WDR41: variants seen among roughly 807,000 people sequenced by gnomAD.
The protein encoded by WDR41 is WD repeat-containing protein 41.
In WDR41, 63 loss-of-function variants were observed where a neutral mutation model predicts 69.3. The observed-to-expected ratio is 0.91, with a 90% confidence interval of 0.74 to 1.12. WDR41 has a LOEUF of 1.12. WDR41 is among the 50% of genes most tolerant of loss of function. The pLI is 0.00. For synonymous variants in WDR41, 185 were observed against 192.1 expected (o/e 0.96, Z 0.31); for missense variants, 543 against 534.5 (o/e 1.02, Z -0.16).
chr5:77,564,220 A>C (rs910567634), intron 1 of WDR41, among the ~76,000 whole-genome samples: 2 of 152,158 alleles, frequency 1.3e-5, no homozygotes, highest in Non-Finnish European at 2.9e-5. Flanking sequence ...AACTCCTTGC[A>C]CCGGAACCAC....
Position 77,606,905 on chromosome 5 carries a change from GAA to G in WDR41, c.42+13572_42+13573del, listed in dbSNP as rs1195622632. 9.9e-3 allele frequency among the ~76,000 whole-genome samples: 844 copies of G among 85,652 alleles called. 7 individuals carry two copies. The highest frequency in any genetic ancestry group is 0.029 in the African/African-American group (788 of 27,240). The allele number at this position is 85,652 out of a possible 152,430, so 56.2% of individuals were successfully genotyped here. On this transcript the variant is annotated intron_variant, in intron 1 of 5. Transcript: ENST00000509971. The stretch of plus-strand genomic sequence containing the variant: ...TTGCCCCAAAGCATTCAATGAAAAA[GAA>G]AAAAAAAAAAAAAAAGCACTTTGCC...
chr5:77,476,784 G>C (rs1483173742), intron 2 of WDR41, among the ~76,000 whole-genome samples: 6 of 147,578 alleles, frequency 4.1e-5, no homozygotes, highest in Admixed American at 1.3e-4. Context: ...AAAATAACCA[G>C]CTAACATCAT....
At chr5:77,607,723 A>G (rs749071369) in intron 1 of WDR41, among the ~76,000 whole-genome samples, 1 of 152,268 alleles carries the variant, frequency 6.6e-6, no homozygotes, top group Non-Finnish European at 1.5e-5. Context: ...CTTTAATAAT[A>G]TACACATACA....
chr5:77,469,795 C>T (rs376111850), intron 2 of WDR41, among the ~76,000 whole-genome samples: 16 of 152,076 alleles, frequency 1.1e-4, no homozygotes, highest in Admixed American at 5.2e-4. Flanking sequence ...ACCAAATCTA[C>T]GTCTGATTGG....
intron 1 of WDR41, among the ~76,000 whole-genome samples, chr5:77,526,840 T>C (rs2112200370): frequency 6.6e-6 from 1 of 152,258 alleles, no homozygotes; most frequent in South Asian, 2.1e-4. Context: ...ATTTTCTTGC[T>C]CCATCAATGC....
chr5:77,615,711 C>T (rs1744669220), intron 1 of WDR41, among the ~76,000 whole-genome samples: 1 of 130,946 alleles, frequency 7.6e-6, no homozygotes, highest in Admixed American at 8.1e-5. Context: ...AAAAAAAGGC[C>T]AGGTGTGATG....
rs139518972 is a variant in WDR41, at chr5:77,569,579, A to T, written c.42+50900T>A. On this transcript the variant is annotated intron_variant, in intron 1 of 5. Transcript: ENST00000509971. ...TATATTCAGTACTCTTATTTATGCT[A>T]TCTTTAAAAATGAGTAAGAGACATA... Among the ~76,000 whole-genome samples the T allele has an allele frequency of 5.8e-3, 883 of 152,312 alleles. 6 individuals are homozygous for T. Among genetic ancestry groups the T allele is most frequent in the Non-Finnish European group, 0.01 (708 of 68,020 alleles).
upstream of WDR41, among the ~76,000 whole-genome samples, chr5:77,493,043 A>G (rs1486862416): frequency 6.6e-6 from 1 of 152,154 alleles, no homozygotes; most frequent in Non-Finnish European, 1.5e-5. Context: ...AGGTAGTCAA[A>G]GGGCTGTGGT....
At chr5:77,617,152 A>G (rs971365407) in intron 1 of WDR41, among the ~76,000 whole-genome samples, 3 of 152,212 alleles carry the variant, frequency 2.0e-5, no homozygotes, top group African/African-American at 7.2e-5. Context: ...ATGATATCCA[A>G]TATAATAGCC....
At chr5:77,575,217 T>C (rs1215801273) in intron 1 of WDR41, among the ~76,000 whole-genome samples, 2 of 152,204 alleles carry the variant, frequency 1.3e-5, no homozygotes, top group African/African-American at 4.8e-5. Context: ...AAGAAATATC[T>C]TTGTAGTTTC....
At chr5:77,503,190 C>CAAAAAAAAAAAAAAAAAA (rs144057313) in intron 1 of WDR41, among the ~76,000 whole-genome samples, 2 of 74,314 alleles carry the variant, frequency 2.7e-5, no homozygotes, top group Non-Finnish European at 5.1e-5. Context: ...AAATGGAAAG[C>CAAAAAAAAAAAAAAAAAA]AAAAAAAAAA....
rs146222336 is a variant in WDR41, at chr5:77,619,851, A to C, written c.42+628T>G. Among the ~76,000 whole-genome samples the C allele has an allele frequency of 5.6e-3, 854 of 152,226 alleles. 11 individuals are homozygous for C. The highest frequency in any genetic ancestry group is 0.019 in the African/African-American group (797 of 41,516). On this transcript the variant is annotated intron_variant, in intron 1 of 5. Transcript: ENST00000509971. ...TCGCATAGGAGAAGTCAGCAATGCC[A>C]AAAGGTGCCTCTGTATACTTAGCAG...
At chr5:77,512,742 T>C (rs754524595) in intron 1 of WDR41, among the ~76,000 whole-genome samples, 1 of 88,096 alleles carries the variant, frequency 1.1e-5, no homozygotes, top group Non-Finnish European at 2.1e-5. Context: ...GAAGACTCCA[T>C]CTCAAAAAAA....
intron 1 of WDR41, among the ~76,000 whole-genome samples, chr5:77,619,035 C>T (rs1561242053): frequency 6.6e-6 from 1 of 152,172 alleles, no homozygotes; most frequent in African/African-American, 2.4e-5. Flanking sequence ...TACAGCCTAC[C>T]TGACACTAGT....
chr5:77,448,159 ATAAC>A (rs1353910199), intron 8 of WDR41, among the ~76,000 whole-genome samples: 1 of 152,154 alleles, frequency 6.6e-6, no homozygotes, highest in African/African-American at 2.4e-5. Flanking sequence ...CTAAAACAAA[ATAAC>A]TAAGCATGAC....
intron 1 of WDR41, among the ~76,000 whole-genome samples, chr5:77,580,281 A>C (rs1339080173): frequency 6.6e-6 from 1 of 152,210 alleles, no homozygotes; most frequent in Non-Finnish European, 1.5e-5. Flanking sequence ...GAAAATTTAC[A>C]ATCATGGCAG....
At chr5:77,488,457 T>TA (rs71606300) in intron 2 of WDR41, among the ~76,000 whole-genome samples, 58,717 of 140,830 alleles carry the variant, frequency 0.42, 11,998 homozygotes, top group African/African-American at 0.52. Context: ...TAAATTAAAT[T>TA]AAAAAAAAAA....
intron 1 of WDR41, chr5:77,582,998 T>C (rs796167413): frequency 1.9e-6 from 3 of 1,600,658 alleles, no homozygotes; most frequent in East Asian, 2.2e-5. Flanking sequence ...AATAACTTCC[T>C]GTGGCCCTTC....
intron 1 of WDR41, among the ~76,000 whole-genome samples, chr5:77,518,579 C>G (rs1802326923): frequency 6.6e-6 from 1 of 152,032 alleles, no homozygotes; most frequent in Admixed American, 6.5e-5. Flanking sequence ...TAGCACAGAT[C>G]AGAATCCACT....
Sources: gnomAD v4.1 joint callset for allele counts (sites outside exome capture counted in the v4.1 genomes callset) on GRCh38, gnomAD v4.1.1 for gene constraint, MANE v1.5 for transcripts, NCBI Gene and HGNC (gene_info 2026-07-23, HGNC 2026-07-21) for gene names.